Variants in PTPRT observed in about 807,000 individuals in gnomAD.
The protein encoded by PTPRT is protein tyrosine phosphatase receptor type T.
A neutral mutation model predicts 176.8 loss-of-function variants in PTPRT; 56 were observed. The observed-to-expected ratio is 0.32, with a 90% CI of 0.26 to 0.40. The LOEUF is 0.40. PTPRT is among the 10% of genes least tolerant of loss of function. PTPRT has a pLI of 1.00. For synonymous variants in PTPRT, 783 were observed against 739.0 expected (o/e 1.06, Z -0.96); for missense variants, 1,540 against 1,908.2 (o/e 0.81, Z 3.60).
chr20:42,968,591 A>C (rs1000394384), intron 1 of PTPRT, among the ~76,000 whole-genome samples: 7 of 152,236 alleles, frequency 4.6e-5, no homozygotes, highest in African/African-American at 1.7e-4. Flanking sequence ...AGTCCACTGA[A>C]GGCAAATGCA....
chr20:42,340,525 C>G (rs993851656), intron 11 of PTPRT, among the ~76,000 whole-genome samples: 1 of 152,208 alleles, frequency 6.6e-6, no homozygotes, highest in African/African-American at 2.4e-5. Context: ...AATCACTTCT[C>G]TCACTGTTGC....
At position 42,472,395 on chromosome 20, in the gene PTPRT, T is replaced by C; in HGVS notation, c.1321A>G (p.Ile441Val). 1 of 1,614,188 alleles carries C rather than the reference T, an allele frequency of 6.2e-7. No individual in the cohort carries two copies. The highest frequency in any genetic ancestry group is 8.5e-7 in the Non-Finnish European group (1 of 1,179,994). The change falls in exon 8 of 31, where the codon ATC (isoleucine) becomes GTC (valine). Residue 441 changes from isoleucine (I) to valine (V), a missense_variant. Physicochemically the swap from Ile to Val is conservative, Grantham distance 29. Coordinates refer to ENST00000373187, the MANE Select transcript of PTPRT (RefSeq NM_007050.6). ...NQQQYEAEEV[I>V]QTSSHYTLRG... is the part of the protein sequence containing the mutation. ...AGGGTGTAGTGGGAGGAGGTCTGGA[T>C]GACCTCCTCGGCCTCGTACTGCTGC...
At chr20:42,567,070 G>A (rs904148987) in intron 7 of PTPRT, among the ~76,000 whole-genome samples, 4 of 152,016 alleles carry the variant, frequency 2.6e-5, no homozygotes, top group Middle Eastern at 3.2e-3. Context: ...TCAGGAGTTC[G>A]AGACCAGCCT....
the PTPRT span, among the ~76,000 whole-genome samples, chr20:42,032,782 C>T: frequency 1.3e-5 from 2 of 152,134 alleles, no homozygotes; most frequent in Non-Finnish European, 2.9e-5. Flanking sequence ...CTCTCCCTCT[C>T]ATCTCACTGG....
chr20:42,337,429 G>A (rs2058055790), intron 11 of PTPRT, among the ~76,000 whole-genome samples: 1 of 152,178 alleles, frequency 6.6e-6, no homozygotes. Context: ...ACTGAGAACA[G>A]GGGATTATTT....
At chr20:42,877,737 G>T (rs1361170182) in intron 2 of PTPRT, among the ~76,000 whole-genome samples, 2 of 152,162 alleles carry the variant, frequency 1.3e-5, no homozygotes, top group African/African-American at 2.4e-5. Context: ...GAACAAGCTT[G>T]CAGTTCATCC....
chr20:42,253,361 G>A (rs1380747589), intron 13 of PTPRT, among the ~76,000 whole-genome samples: 2 of 152,102 alleles, frequency 1.3e-5, no homozygotes, highest in Admixed American at 6.5e-5. Flanking sequence ...AATCGAAAGG[G>A]ACTTTTCAGA....
intron 1 of PTPRT, among the ~76,000 whole-genome samples, chr20:42,976,156 G>A (rs908314705): frequency 3.3e-5 from 5 of 152,122 alleles, no homozygotes; most frequent in African/African-American, 1.2e-4. Flanking sequence ...TAATGATCAG[G>A]ATCTTTGCAT....
intron 8 of PTPRT, among the ~76,000 whole-genome samples, chr20:42,460,924 T>C (rs1404024032): frequency 2.6e-5 from 4 of 152,206 alleles, no homozygotes; most frequent in Non-Finnish European, 5.9e-5. Context: ...ACCAGCAAAC[T>C]GTAATCCCAA....
intron 14 of PTPRT, among the ~76,000 whole-genome samples, chr20:42,246,788 G>A (rs1030753209): frequency 2.0e-5 from 3 of 152,174 alleles, no homozygotes; most frequent in African/African-American, 7.2e-5. Flanking sequence ...TATCAAAGAG[G>A]TATTCAGTTC....
intron 27 of PTPRT, among the ~76,000 whole-genome samples, chr20:42,089,353 C>T (rs1225498966): frequency 6.6e-6 from 1 of 152,160 alleles, no homozygotes; most frequent in Non-Finnish European, 1.5e-5. Flanking sequence ...TTGCCTTTAT[C>T]ACCTGCACTG....
chr20:43,144,213 G>A (rs1168513477), intron 1 of PTPRT, among the ~76,000 whole-genome samples: 6 of 152,108 alleles, frequency 3.9e-5, no homozygotes, highest in Admixed American at 3.3e-4. Flanking sequence ...CTGCTCACCA[G>A]ACACCCTGAC....
At chr20:42,305,896 A>T (rs1339349507) in intron 12 of PTPRT, among the ~76,000 whole-genome samples, 1 of 152,182 alleles carries the variant, frequency 6.6e-6, no homozygotes, top group Non-Finnish European at 1.5e-5. Context: ...CAATCAGTCC[A>T]AGCTTCACGA....
intron 7 of PTPRT, among the ~76,000 whole-genome samples, chr20:42,565,579 C>A (rs578206741): frequency 6.6e-6 from 1 of 152,184 alleles, no homozygotes; most frequent in South Asian, 2.1e-4. Flanking sequence ...TTGCTCTTTT[C>A]AGGTAGAATG....
intron 1 of PTPRT, among the ~76,000 whole-genome samples, chr20:42,892,486 G>T (rs1428684714): frequency 6.9e-6 from 1 of 145,818 alleles, no homozygotes; most frequent in Non-Finnish European, 1.5e-5. Flanking sequence ...GTGGAGCTAA[G>T]TAAAAAAAAA....
chr20:42,589,863 G>A (rs757510813), intron 7 of PTPRT, among the ~76,000 whole-genome samples: 5 of 152,046 alleles, frequency 3.3e-5, no homozygotes, highest in Non-Finnish European at 5.9e-5. Context: ...TGAGCACTGT[G>A]GCAGATTATA....
downstream of PTPRT, among the ~76,000 whole-genome samples, chr20:42,070,376 C>A (rs1982272609): frequency 6.6e-6 from 1 of 151,660 alleles, no homozygotes; most frequent in Non-Finnish European, 1.5e-5. Flanking sequence ...GAAGGCCAGG[C>A]TAGGATCCAC....
At chr20:42,256,886 A>C (rs1037546201) in intron 13 of PTPRT, among the ~76,000 whole-genome samples, 2 of 152,208 alleles carry the variant, frequency 1.3e-5, no homozygotes, top group Non-Finnish European at 2.9e-5. Flanking sequence ...TGGTAGACCC[A>C]TCTGGAGACC....
chr20:42,814,440 A>G (rs950547632), intron 2 of PTPRT, among the ~76,000 whole-genome samples: 1 of 152,204 alleles, frequency 6.6e-6, no homozygotes. Flanking sequence ...AAGTTAGATA[A>G]TATATGTAAA....
Sources: allele counts gnomAD v4.1 joint callset (sites outside exome capture counted in the v4.1 genomes callset), GRCh38; gene constraint gnomAD v4.1.1; transcripts MANE v1.5; gene names NCBI Gene and HGNC (gene_info 2026-07-23, HGNC 2026-07-21).